SPNS1: variants seen among roughly 807,000 people sequenced by gnomAD.
SPNS1 encodes SPNS lysolipid transporter 1, lysophospholipid.
Under a neutral mutation model 50.3 loss-of-function variants are expected in SPNS1, and 22 were observed. The observed-to-expected ratio is 0.44, with a 90% CI of 0.31 to 0.62. SPNS1 has a LOEUF of 0.62. SPNS1 is among the 20% of genes least tolerant of loss of function. SPNS1 has a pLI of 0.07. For missense variants in SPNS1, 576 were observed against 728.6 expected (o/e 0.79, Z 2.41); for synonymous variants, 295 against 317.4 (o/e 0.93, Z 0.75).
At position 28,983,931 on chromosome 16, in the gene SPNS1, G is replaced by A. The variant is rs140236840; in HGVS notation, c.1466G>A (p.Arg489His). 8.2e-6 allele frequency: 13 copies of A among 1,593,156 alleles called. No individual in the cohort carries two copies. Among genetic ancestry groups the A allele is most frequent in the African/African-American group, 2.7e-5 (2 of 74,650 alleles). Residue 489 changes from arginine (R) to histidine (H), a missense_variant, in exon 11 of 12, where the codon CGC becomes CAC. Arg to His is a conservative substitution (Grantham distance 29). This residue lies in a region of SPNS1 where 428 missense variants were observed against 520.1 expected (regional missense o/e 0.82). Coordinates refer to ENST00000311008, the MANE Select transcript of SPNS1 (RefSeq NM_032038.3). The surrounding 1 kb of genome is among the most constrained non-coding windows in gnomAD (Gnocchi z 5.4). ...ACCGCCATCTTCATTGAGGCCGACC[G>A]CCGGCGGGCACAGCTGCACGTGCAG... ...LGTAIFIEAD[R>H]RRAQLHVQGL... is the part of the protein sequence containing the mutation.
Position 28,983,111 on chromosome 16 carries a change from A to G in SPNS1, c.1222-81A>G. Reference sequence around the variant, plus strand: ...ACACCTCTGACCCCGGCCTAGGCGGATCCTTGGTGGTCTCCTGGCCCCCTG... The same window carrying G: ...ACACCTCTGACCCCGGCCTAGGCGGGTCCTTGGTGGTCTCCTGGCCCCCTG... On this transcript the variant is annotated intron_variant, in intron 9 of 11. Coordinates refer to ENST00000311008, the MANE Select transcript of SPNS1 (RefSeq NM_032038.3). This position sits in a 1 kb window ranked among gnomAD's most constrained non-coding sequence, Gnocchi z 5.4. The G allele has an allele frequency of 7.6e-7, 1 of 1,312,222 alleles. No individual in the cohort carries two copies. The highest frequency in any genetic ancestry group is 1.9e-4 in the Middle Eastern group (1 of 5,192). The allele number at this position is 1,312,222 out of a possible 1,614,324, so 81.3% of individuals were successfully genotyped here. A position where few individuals can be genotyped will look rare whatever the true frequency, so the allele number is the denominator to read the frequency against.
downstream of SPNS1, chr16:28,984,680 G>A (rs770804667): frequency 1.1e-5 from 7 of 654,028 alleles, no homozygotes; most frequent in Non-Finnish European, 1.1e-5. Flanking sequence ...GGGCGACTGA[G>A]ATGGGGGACT....
In SPNS1 at chr16:28,981,787, AC is replaced by A; in HGVS notation, c.810-112del. The A allele has an allele frequency of 6.6e-7, 1 of 1,504,824 alleles. No individual in the cohort carries two copies. The highest frequency in any genetic ancestry group is 9.0e-7 in the Non-Finnish European group (1 of 1,106,348). The allele number at this position is 1,504,824 out of a possible 1,614,324, so 93.2% of individuals were successfully genotyped here. ...GGCCCAGATCCTGGGAGCCAGAACC[AC>A]CTCTGCACGGTGTTGTGACCTTACT... On this transcript the variant is annotated intron_variant, in intron 6 of 11. Coordinates refer to ENST00000311008, the MANE Select transcript of SPNS1 (RefSeq NM_032038.3). The surrounding 1 kb of genome is among the most constrained non-coding windows in gnomAD (Gnocchi z 4.2).
In SPNS1 at chr16:28,983,858, A is replaced by G. The variant is rs1965652455; in HGVS notation, c.1393A>G (p.Met465Val). ...SEFRALQFSL[M>V]LCAFVGALGG... Reference sequence around the variant, plus strand: ...GTTCCGGGCTCTGCAGTTCTCGCTCATGCTCTGCGCGTTTGTTGGGGCACT... The same window carrying G: ...GTTCCGGGCTCTGCAGTTCTCGCTCGTGCTCTGCGCGTTTGTTGGGGCACT... Residue 465 changes from methionine (M) to valine (V), a missense_variant, in exon 11 of 12, where the codon ATG (methionine) becomes GTG (valine). Coordinates refer to ENST00000311008, the MANE Select transcript of SPNS1 (RefSeq NM_032038.3). The surrounding 1 kb of genome is among the most constrained non-coding windows in gnomAD (Gnocchi z 5.4). The G allele has an allele frequency of 3.7e-6, 6 of 1,604,468 alleles. No homozygotes were observed. The highest frequency in any genetic ancestry group is 1.7e-4 in the Middle Eastern group (1 of 6,058).
rs758691872 is a variant in SPNS1 at position 28,984,268 on chromosome 16, C to T, written c.1556C>T (p.Thr519Ile). ...RIVVPQRGRS[T>I]RVPVASVLI Reference sequence around the variant, plus strand: ...GTGGTGCCCCAGCGGGGCCGCTCCACCCGCGTGCCCGTGGCCAGTGTGCTC... The same window carrying T: ...GTGGTGCCCCAGCGGGGCCGCTCCATCCGCGTGCCCGTGGCCAGTGTGCTC... Residue 519 changes from threonine (T) to isoleucine (I), a missense_variant, in exon 12 of 12, where the codon ACC becomes ATC. By Grantham distance (89) the Thr-to-Ile change is moderately conservative. This residue lies in a region of SPNS1 where 428 missense variants were observed against 520.1 expected (regional missense o/e 0.82). Transcript: ENST00000311008. 2 of 1,612,294 alleles carry T rather than the reference C, an allele frequency of 1.2e-6. No individual in the cohort carries two copies. Among genetic ancestry groups the T allele is most frequent in the East Asian group, 4.5e-5 (2 of 44,872 alleles).
At position 28,977,896 on chromosome 16, in the gene SPNS1, G is replaced by T; in HGVS notation, c.308-12G>T. On this transcript the variant is annotated splice_polypyrimidine_tract_variant and intron_variant, in intron 2 of 11. Coordinates refer to ENST00000311008, the MANE Select transcript of SPNS1 (RefSeq NM_032038.3). ...TACCTGGGCTGAGCTGTGACTCTCTGCTTCCCCCTAGTGTTCATCTCCAGT... is the reference window on the plus strand; with the variant it reads ...TACCTGGGCTGAGCTGTGACTCTCTTCTTCCCCCTAGTGTTCATCTCCAGT... 6 of 1,612,980 alleles carry T rather than the reference G, an allele frequency of 3.7e-6. No individual in the cohort carries two copies. The highest frequency in any genetic ancestry group is 5.1e-6 in the Non-Finnish European group (6 of 1,179,352).
chr16:28,977,823 C>A, intron 2 of SPNS1, 85 bp from the exon 3 acceptor site: 1 of 1,543,348 alleles, frequency 6.5e-7, no homozygotes, highest in Non-Finnish European at 8.8e-7. Context: ...AGGCAGGCAT[C>A]TCCTGTGCTT....
chr16:28,984,022 C>T, intron 11 of SPNS1, 65 bp downstream of exon 11: 1 of 1,507,476 alleles, frequency 6.6e-7, no homozygotes. Flanking sequence ...ATCTGTCTGC[C>T]CACTCCTGTG....
Position 28,983,795 on chromosome 16 carries a change from C to G in SPNS1, c.1330C>G (p.Arg444Gly), listed in dbSNP as rs375000927. The change falls in exon 11 of 12, where the codon CGC becomes GGC. Residue 444 changes from arginine to glycine, a missense_variant. Physicochemically the swap from Arg to Gly is moderately radical, Grantham distance 125 (BLOSUM62 -2). Around this residue, in one of 3 missense-constraint regions of SPNS1, gnomAD observed 428 missense variants for 520.1 expected, o/e 0.82. Transcript: ENST00000311008. This position sits in a 1 kb window ranked among gnomAD's most constrained non-coding sequence, Gnocchi z 5.4. ...TCTCCTCTCCCTGCAGATCTCTGAC[C>G]GCCTGCGCCGGAACTGGCCCCCCTC... ...SPYLIGLISD[R>G]LRRNWPPSFL... 19 of 1,590,942 alleles carry G rather than the reference C, an allele frequency of 1.2e-5. No homozygotes were observed. Among genetic ancestry groups the G allele is most frequent in the Middle Eastern group, 1.7e-4 (1 of 5,986 alleles).
Position 28,975,125 on chromosome 16 carries a change from C to G in SPNS1, c.-27C>G. On this transcript the variant is annotated 5_prime_UTR_variant, in exon 1 of 12. Coordinates refer to ENST00000311008, the MANE Select transcript of SPNS1 (RefSeq NM_032038.3). ...GGTGGGATCGTCGGTGGGACCGGAG[C>G]GCGGGCGGGCGCGGCCCCCCGGGAC... 2 of 1,468,582 alleles carry G rather than the reference C, an allele frequency of 1.4e-6. No individual in the cohort carries two copies. The highest frequency in any genetic ancestry group is 1.8e-6 in the Non-Finnish European group (2 of 1,114,266). The allele number at this position is 1,468,582 out of a possible 1,614,324, so 91.0% of individuals were successfully genotyped here. A position where few individuals can be genotyped will look rare whatever the true frequency, so the allele number is the denominator to read the frequency against.
chr16:28,977,528 A>ACAATTGGG (rs1965388024), intron 2 of SPNS1, among the ~76,000 whole-genome samples: 1 of 152,112 alleles, frequency 6.6e-6, no homozygotes. Flanking sequence ...ATTGGCCTTG[A>ACAATTGGG]CAATTGGGCC....
Position 28,983,353 on chromosome 16 carries a change from G to A in SPNS1, c.1320+63G>A. On this transcript the variant is annotated intron_variant, in intron 10 of 11. Coordinates refer to ENST00000311008, the MANE Select transcript of SPNS1 (RefSeq NM_032038.3). This position sits in a 1 kb window ranked among gnomAD's most constrained non-coding sequence, Gnocchi z 5.4. The stretch of plus-strand genomic sequence containing the variant: ...GTCCTGAGCCTGGGCTGGATCAGAA[G>A]GCCTGGCCCTAGTGAAGTGTCTGTG... The A allele has an allele frequency of 7.5e-7, 1 of 1,341,914 alleles. No homozygotes were observed. The highest frequency in any genetic ancestry group is 1.1e-6 in the Non-Finnish European group (1 of 932,940). The allele number at this position is 1,341,914 out of a possible 1,614,324, so 83.1% of individuals were successfully genotyped here.
intron 2 of SPNS1, among the ~76,000 whole-genome samples, chr16:28,975,853 C>T (rs1965323425): frequency 6.6e-6 from 1 of 152,190 alleles, no homozygotes; most frequent in African/African-American, 2.4e-5. Flanking sequence ...GCCTCATTTT[C>T]CTTGTCTATA....
Position 28,982,491 on chromosome 16 carries a change from A to G in SPNS1, c.1101A>G (p.Ala367=). 1.2e-6 allele frequency: 2 copies of G among 1,613,500 alleles called. No homozygotes were observed. The highest frequency in any genetic ancestry group is 1.7e-6 in the Non-Finnish European group (2 of 1,179,796). Reference sequence around the variant, plus strand: ...GTGCCACTGGCCTCCTGGGCTCTGCACCCTTCCTCTTCCTGTCCCTTGCCT... The same window carrying G: ...GTGCCACTGGCCTCCTGGGCTCTGCGCCCTTCCTCTTCCTGTCCCTTGCCT... ...LVCATGLLGS[A]PFLFLSLACA... Residue 367 remains alanine (A), a synonymous_variant, in exon 8 of 12, where the codon GCA becomes GCG. Transcript: ENST00000311008.
In SPNS1 at chr16:28,975,535, T is replaced by A; in HGVS notation, c.285T>A (p.Ser95Arg). The change falls in exon 2 of 12, where the codon AGT becomes AGA. Residue 95 changes from serine (S) to arginine (R), a missense_variant. By Grantham distance (110) the Ser-to-Arg change is moderately radical (BLOSUM62 -1). This residue lies in a region of SPNS1 where 144 missense variants were observed against 181.2 expected (regional missense o/e 0.79). Transcript: ENST00000311008. ...AGCAGTTCTTCAACATCGGGGACAG[T>A]AGCTCTGGGCTCATCCAGACCGGTG... ...DIEQFFNIGD[S>R]SSGLIQTVFI... The A allele has an allele frequency of 6.2e-7, 1 of 1,614,242 alleles. No individual in the cohort carries two copies. The highest frequency in any genetic ancestry group is 8.5e-7 in the Non-Finnish European group (1 of 1,180,052).
Position 28,983,243 on chromosome 16 carries a change from C to T in SPNS1, c.1273C>T (p.Leu425=), listed in dbSNP as rs1965620080. Residue 425 remains leucine (L), a synonymous_variant, in exon 10 of 12, where the codon CTG becomes TTG. Coordinates refer to ENST00000311008, the MANE Select transcript of SPNS1 (RefSeq NM_032038.3). This position sits in a 1 kb window ranked among gnomAD's most constrained non-coding sequence, Gnocchi z 5.4. The stretch of plus-strand genomic sequence containing the variant: ...CACCGCCGAGGCCTTCCAGATCGTG[C>T]TGTCCCACCTGCTGGGTGATGCTGG... ...RSTAEAFQIV[L]SHLLGDAGSP... 1 of 1,614,168 alleles carries T rather than the reference C, an allele frequency of 6.2e-7. No individual in the cohort carries two copies. The highest frequency in any genetic ancestry group is 1.3e-5 in the African/African-American group (1 of 75,054).
chr16:28,981,751 C>T lies in SPNS1; in HGVS notation c.809+136C>T. On this transcript the variant is annotated intron_variant, in intron 6 of 11. Coordinates refer to ENST00000311008, the MANE Select transcript of SPNS1 (RefSeq NM_032038.3). This position sits in a 1 kb window ranked among gnomAD's most constrained non-coding sequence, Gnocchi z 4.2. ...CGATACTGTCCCCTTGTGGCAGCTG[C>T]TTGAATTACAGGCCCAGATCCTGGG... is the stretch of plus-strand genomic sequence containing the variant. 2 of 1,489,478 alleles carry T rather than the reference C, an allele frequency of 1.3e-6. No individual in the cohort carries two copies. Among genetic ancestry groups the T allele is most frequent in the Admixed American group, 1.9e-5 (1 of 53,792 alleles). 92.3% of individuals were successfully genotyped at this position (1,489,478 alleles called of 1,614,324 possible). A position where few individuals can be genotyped will look rare whatever the true frequency, so the allele number is the denominator to read the frequency against.
In SPNS1 at chr16:28,982,158, C is replaced by T. The variant is rs1965576372; in HGVS notation, c.965+102C>T. On this transcript the variant is annotated intron_variant, in intron 7 of 11. Transcript: ENST00000311008. ...GCAGGGAGTTTGACTCCTGACTTCA[C>T]AAGCTGCCTGCTCTCCTGGAATCTC... is the stretch of plus-strand genomic sequence containing the variant. The T allele has an allele frequency of 7.6e-6, 11 of 1,454,132 alleles. No individual in the cohort carries two copies. In the East Asian group the frequency reaches 2.6e-4, roughly 35 times the overall value. 90.1% of individuals were successfully genotyped at this position (1,454,132 alleles called of 1,614,324 possible). A position where few individuals can be genotyped will look rare whatever the true frequency, so the allele number is the denominator to read the frequency against.
chr16:28,975,834 C>T (rs1276854616), intron 2 of SPNS1, among the ~76,000 whole-genome samples: 1 of 152,214 alleles, frequency 6.6e-6, no homozygotes, highest in Non-Finnish European at 1.5e-5. Context: ...AGGCACTCAA[C>T]CTCTCTAAGC....
Sources: gnomAD v4.1 joint callset for allele counts (sites outside exome capture counted in the v4.1 genomes callset) on GRCh38, gnomAD v4.1.1 for gene constraint, gnomAD v4.1.1 regional missense constraint, Gnocchi (gnomAD v3.1) non-coding constraint, MANE v1.5 for transcripts, NCBI Gene and HGNC (gene_info 2026-07-23, HGNC 2026-07-21) for gene names.